Variants in KAT2B observed in about 807,000 individuals in gnomAD.
The protein encoded by KAT2B is histone acetyltransferase KAT2B.
In KAT2B, 36 loss-of-function variants were observed where a neutral mutation model predicts 105.9. That is an observed-to-expected ratio of 0.34 (90% CI 0.26 to 0.45). The LOEUF is 0.45. Ranked by LOEUF, KAT2B falls within the 20% of genes least tolerant of loss-of-function variation. The probability of loss-of-function intolerance (pLI) is 1.00; values close to 1 mark genes in which losing one functional copy is unlikely to be tolerated. For synonymous variants in KAT2B, 397 were observed against 377.9 expected (o/e 1.05, Z -0.59); for missense variants, 820 against 1,021.6 (o/e 0.80, Z 2.69).
At chr3:20,108,867 C>T (rs901052732) in intron 5 of KAT2B, among the ~76,000 whole-genome samples, 32 of 152,312 alleles carry the variant, frequency 2.1e-4, no homozygotes, top group African/African-American at 7.5e-4. Context: ...CTAAGCTGTA[C>T]ATTCTTTCTG....
intron 13 of KAT2B, 78 bp from the exon 14 acceptor site, chr3:20,146,238 C>G: frequency 2.5e-6 from 2 of 808,678 alleles, no homozygotes; most frequent in Non-Finnish European, 4.2e-6. Flanking sequence ...GTTAGGAAAA[C>G]ATTTCATTAG....
chr3:20,074,133 C>T (rs549832464), intron 2 of KAT2B, among the ~76,000 whole-genome samples: 4 of 152,070 alleles, frequency 2.6e-5, no homozygotes, highest in African/African-American at 9.7e-5. Flanking sequence ...CAAATCCATG[C>T]CAGAAATTTA....
At chr3:20,071,941 C>T (rs929845169) in intron 1 of KAT2B, among the ~76,000 whole-genome samples, 14 of 152,182 alleles carry the variant, frequency 9.2e-5, no homozygotes, top group African/African-American at 3.1e-4. Context: ...ACCTGCAAGG[C>T]TCAACCTTAG....
At chr3:20,142,819 T>C (rs1449116000) in intron 13 of KAT2B, among the ~76,000 whole-genome samples, 1 of 152,058 alleles carries the variant, frequency 6.6e-6, no homozygotes, top group African/African-American at 2.4e-5. Flanking sequence ...GTTATGTCGG[T>C]GATGAAGGCA....
rs535693449 is a variant in KAT2B, at chr3:20,153,480, C to T, written c.*955C>T. The T allele has an allele frequency of 3.9e-5, 6 of 152,658 alleles. No homozygotes were observed. The South Asian group carries it at 1.2e-3, about 32-fold the overall frequency. The allele number at this position is 152,658 out of a possible 1,614,324, so 9.5% of individuals were successfully genotyped here. A position where few individuals can be genotyped will look rare whatever the true frequency, so the allele number is the denominator to read the frequency against. On this transcript the variant is annotated 3_prime_UTR_variant, in exon 18 of 18. Transcript: ENST00000263754. ...CTGATAATATGCAAATGAACATTTT[C>T]CTTTATGTCTCTCCAGATAATGTTT...
chr3:20,077,893 G>A (rs1479722484), intron 2 of KAT2B, among the ~76,000 whole-genome samples: 1 of 152,108 alleles, frequency 6.6e-6, no homozygotes, highest in Non-Finnish European at 1.5e-5. Flanking sequence ...AAGCAGCTTG[G>A]GTCTTGCATG....
At chr3:20,128,165 A>G in intron 11 of KAT2B, among the ~76,000 whole-genome samples, 1 of 152,236 alleles carries the variant, frequency 6.6e-6, no homozygotes. Flanking sequence ...ATGTAACTCA[A>G]GTGTAGTCGA....
At chr3:20,104,929 C>T (rs1264939532) in intron 5 of KAT2B, among the ~76,000 whole-genome samples, 1 of 149,674 alleles carries the variant, frequency 6.7e-6, no homozygotes, top group African/African-American at 2.5e-5. Flanking sequence ...CTCTGTTGTC[C>T]AGGCTGGAGT....
intron 13 of KAT2B, among the ~76,000 whole-genome samples, chr3:20,145,996 C>T (rs928548973): frequency 2.6e-5 from 4 of 152,148 alleles, no homozygotes; most frequent in Non-Finnish European, 5.9e-5. Flanking sequence ...GGCAGAGCCT[C>T]CTCAGAGAAG....
At chr3:20,107,630 C>T (rs1285594168) in intron 5 of KAT2B, among the ~76,000 whole-genome samples, 1 of 141,972 alleles carries the variant, frequency 7.0e-6, no homozygotes, top group Non-Finnish European at 1.5e-5. Flanking sequence ...GCCCTCCAGC[C>T]TGGGGCACAG....
intron 1 of KAT2B, among the ~76,000 whole-genome samples, chr3:20,063,598 A>G (rs1284739141): frequency 2.4e-5 from 3 of 124,200 alleles, no homozygotes; most frequent in Non-Finnish European, 3.2e-5. Flanking sequence ...GCTGGAATGT[A>G]GTGGCACAAT....
At chr3:20,119,371 T>C (rs1013444366) in intron 7 of KAT2B, among the ~76,000 whole-genome samples, 5 of 152,132 alleles carry the variant, frequency 3.3e-5, no homozygotes, top group African/African-American at 1.2e-4. Flanking sequence ...AATTTATTTA[T>C]GTATTCATTT....
At chr3:20,077,292 T>G (rs1698436659) in intron 2 of KAT2B, among the ~76,000 whole-genome samples, 1 of 152,116 alleles carries the variant, frequency 6.6e-6, no homozygotes, top group Admixed American at 6.6e-5. Context: ...AAGTGAGCTG[T>G]GATGGGGCCA....
At chr3:20,046,399 T>C (rs377405950) in intron 1 of KAT2B, among the ~76,000 whole-genome samples, 14 of 152,228 alleles carry the variant, frequency 9.2e-5, no homozygotes, top group East Asian at 3.9e-4. Context: ...CTGGGCAACA[T>C]GGTGAAACCC....
chr3:20,127,129 C>T (rs1448431147), intron 10 of KAT2B, among the ~76,000 whole-genome samples: 2 of 152,186 alleles, frequency 1.3e-5, no homozygotes. Context: ...ACTGGCTGTG[C>T]CAGTTCCAGA....
At chr3:20,061,789 AAT>A (rs1698105188) in intron 1 of KAT2B, among the ~76,000 whole-genome samples, 1 of 134,734 alleles carries the variant, frequency 7.4e-6, no homozygotes, top group South Asian at 2.4e-4. Flanking sequence ...TAATACATAA[AAT>A]ATATTATATA....
At chr3:20,145,554 G>GTTTTTTTTTTTTTTTTTT (rs550166293) in intron 13 of KAT2B, among the ~76,000 whole-genome samples, 11 of 92,078 alleles carry the variant, frequency 1.2e-4, no homozygotes, top group South Asian at 7.3e-4. Context: ...GATTTTTTTA[G>GTTTTTTTTTTTTTTTTTT]TTTTTTTTTT....
intron 2 of KAT2B, among the ~76,000 whole-genome samples, chr3:20,092,170 T>C (rs1698730175): frequency 6.6e-6 from 1 of 152,166 alleles, no homozygotes; most frequent in Non-Finnish European, 1.5e-5. Flanking sequence ...AAGTGTAATA[T>C]TGAAGTCCCC....
At chr3:20,048,657 C>T (rs531940017) in intron 1 of KAT2B, among the ~76,000 whole-genome samples, 2 of 152,236 alleles carry the variant, frequency 1.3e-5, no homozygotes, top group East Asian at 1.9e-4. Flanking sequence ...TTTCAAGGCT[C>T]AGTGGCTTCT....
Sources: allele counts gnomAD v4.1 joint callset (sites outside exome capture counted in the v4.1 genomes callset), GRCh38; gene constraint gnomAD v4.1.1; transcripts MANE v1.5; gene names NCBI Gene and HGNC (gene_info 2026-07-23, HGNC 2026-07-21).